Variants in OSBPL1A observed in about 807,000 individuals in gnomAD.
OSBPL1A encodes the protein oxysterol-binding protein-related protein 1.
OSBPL1A carries 80 observed loss-of-function variants against 137.1 expected under a neutral mutation model. That is an observed-to-expected ratio of 0.58 (90% confidence interval 0.49 to 0.70). OSBPL1A has a LOEUF of 0.70. OSBPL1A is among the 30% of genes least tolerant of loss of function. The pLI is 0.00. For synonymous variants in OSBPL1A, 365 were observed against 389.7 expected, an observed-to-expected ratio of 0.94 and a Z score of 0.75; for missense variants, 970 against 1,129.4, an observed-to-expected ratio of 0.86 and a Z score of 2.02.
chr18:24,253,174 G>GGT (rs1555638415), intron 15 of OSBPL1A, among the ~76,000 whole-genome samples: 4 of 131,756 alleles, frequency 3.0e-5, no homozygotes, highest in Non-Finnish European at 6.6e-5. Context: ...TGGCGGGGGG[G>GGT]GGCGCTGAAT....
chr18:24,334,353 A>G, intron 5 of OSBPL1A, 23 bp from the exon 6 acceptor site: 2 of 1,562,796 alleles, frequency 1.3e-6, no homozygotes, highest in East Asian at 2.3e-5. Flanking sequence ...AGTACTTATT[A>G]TCCACTGCTA....
chr18:24,185,064 A>G (rs190906572), intron 18 of OSBPL1A, among the ~76,000 whole-genome samples: 16 of 152,320 alleles, frequency 1.1e-4, no homozygotes, highest in East Asian at 7.7e-4. Flanking sequence ...TTACTAAGGG[A>G]AAAAAAGTCG....
At chr18:24,244,403 T>C (rs1360291831) in intron 15 of OSBPL1A, among the ~76,000 whole-genome samples, 1 of 152,238 alleles carries the variant, frequency 6.6e-6, no homozygotes, top group Non-Finnish European at 1.5e-5. Flanking sequence ...GTTTATACAT[T>C]AGAACTTTTC....
At chr18:24,228,067 A>T (rs1444439924) in intron 16 of OSBPL1A, among the ~76,000 whole-genome samples, 1 of 152,172 alleles carries the variant, frequency 6.6e-6, no homozygotes, top group South Asian at 2.1e-4. Flanking sequence ...TTCGCAGAAC[A>T]AGATTTCAAC....
intron 15 of OSBPL1A, among the ~76,000 whole-genome samples, chr18:24,274,997 C>T (rs1358164867): frequency 1.3e-5 from 2 of 151,868 alleles, no homozygotes; most frequent in Non-Finnish European, 1.5e-5. Flanking sequence ...GAAGCCACAG[C>T]GCAATTCCAA....
intron 6 of OSBPL1A, among the ~76,000 whole-genome samples, 163 bp from the exon 7 acceptor site, chr18:24,333,249 C>A (rs1408042547): frequency 6.6e-6 from 1 of 152,224 alleles, no homozygotes; most frequent in East Asian, 1.9e-4. Flanking sequence ...CCCTGCCACA[C>A]CCATGCTTAT....
At chr18:24,255,851 A>C (rs1400820634) in intron 15 of OSBPL1A, among the ~76,000 whole-genome samples, 1 of 151,386 alleles carries the variant, frequency 6.6e-6, no homozygotes, top group Non-Finnish European at 1.5e-5. Flanking sequence ...CTGCCTCCCA[A>C]GTAGTTGGGA....
intron 18 of OSBPL1A, 179 bp downstream of exon 18, chr18:24,195,946 A>G (rs1195674516): frequency 3.4e-6 from 2 of 584,898 alleles, no homozygotes; most frequent in Admixed American, 6.1e-5. Flanking sequence ...TAAAGCCATT[A>G]GAGCAGCTCA....
intron 18 of OSBPL1A, among the ~76,000 whole-genome samples, chr18:24,194,562 A>G (rs2086972950): frequency 6.6e-6 from 1 of 152,200 alleles, no homozygotes; most frequent in African/African-American, 2.4e-5. Context: ...TCATCTGTCT[A>G]TATACATTTG....
intron 18 of OSBPL1A, among the ~76,000 whole-genome samples, chr18:24,194,063 C>G (rs1429887777): frequency 1.3e-5 from 2 of 152,298 alleles, no homozygotes; most frequent in East Asian, 3.9e-4. Flanking sequence ...TGAACAAATT[C>G]ATAACACCAA....
intron 17 of OSBPL1A, among the ~76,000 whole-genome samples, chr18:24,204,586 C>G (rs2145958087): frequency 1.3e-5 from 2 of 150,710 alleles, no homozygotes; most frequent in East Asian, 3.9e-4. Flanking sequence ...ACATGATGTT[C>G]CCATTCTCTA....
At chr18:24,292,666 AACT>A (rs560604933) in intron 14 of OSBPL1A, among the ~76,000 whole-genome samples, 1 of 152,182 alleles carries the variant, frequency 6.6e-6, no homozygotes, top group Non-Finnish European at 1.5e-5. Context: ...GCAGACAATC[AACT>A]ACACACACTC....
intron 18 of OSBPL1A, among the ~76,000 whole-genome samples, chr18:24,192,099 CTAT>C (rs879914190): frequency 1.3e-5 from 2 of 152,156 alleles, no homozygotes; most frequent in Non-Finnish European, 2.9e-5. Context: ...CAGGACTATT[CTAT>C]TACTCCAAGA....
At position 24,225,207 on chromosome 18, in the gene OSBPL1A, G is replaced by A. The variant is rs115629434; in HGVS notation, c.1445-9C>T. The A allele has an allele frequency of 5.7e-4, 916 of 1,613,940 alleles. 4 individuals carry two copies. In the African/African-American group the frequency reaches 0.011, roughly 20 times the overall value. On this transcript the variant is annotated splice_polypyrimidine_tract_variant and intron_variant, in intron 16 of 27. Coordinates refer to ENST00000319481, the MANE Select transcript of OSBPL1A (RefSeq NM_080597.4). ...CCTTTCGGACTCGGAATCTGTGGCA[G>A]AGCAGGTTCATAGTTAATGAATTGA... is the stretch of plus-strand genomic sequence containing the variant.
chr18:24,225,228 A>G, intron 16 of OSBPL1A, 30 bp from the exon 17 acceptor site: 1 of 1,612,814 alleles, frequency 6.2e-7, no homozygotes, highest in Non-Finnish European at 8.5e-7. Flanking sequence ...TAGTTAATGA[A>G]TTGAACTTGG....
intron 7 of OSBPL1A, chr18:24,321,588 C>A (rs1568026144): frequency 4.4e-6 from 2 of 452,880 alleles, no homozygotes; most frequent in South Asian, 1.7e-5. Context: ...TGTACCTGGC[C>A]TTAAGTGTAT....
At chr18:24,175,455 T>C (rs1461401620) in intron 21 of OSBPL1A, among the ~76,000 whole-genome samples, 1 of 152,138 alleles carries the variant, frequency 6.6e-6, no homozygotes, top group Non-Finnish European at 1.5e-5. Flanking sequence ...CCCAAAGTGC[T>C]GGGATTACAG....
At chr18:24,307,787 TTTG>T (rs1177327782) in intron 13 of OSBPL1A, among the ~76,000 whole-genome samples, 1 of 152,210 alleles carries the variant, frequency 6.6e-6, no homozygotes, top group Non-Finnish European at 1.5e-5. Flanking sequence ...TTATTCTTTT[TTTG>T]TTGTTGTTTT....
At chr18:24,393,549 T>C (rs183424123) in intron 1 of OSBPL1A, among the ~76,000 whole-genome samples, 1 of 151,964 alleles carries the variant, frequency 6.6e-6, no homozygotes, top group Non-Finnish European at 1.5e-5. Flanking sequence ...TCTTCCCGGG[T>C]TCACACCATT....
Sources: allele counts gnomAD v4.1 joint callset (sites outside exome capture counted in the v4.1 genomes callset), GRCh38; gene constraint gnomAD v4.1.1; transcripts MANE v1.5; gene names NCBI Gene and HGNC (gene_info 2026-07-23, HGNC 2026-07-21).